CDKL5: variants seen among roughly 807,000 people sequenced by gnomAD.
The protein encoded by CDKL5 is cyclin dependent kinase like 5.
CDKL5 carries 8 observed loss-of-function variants against 61.7 expected under a neutral mutation model. The ratio of observed to expected loss-of-function variants is 0.13; its 90% CI spans 0.08 to 0.23. CDKL5 has a LOEUF of 0.23. CDKL5 is among the 10% of genes least tolerant of loss of function. The probability of loss-of-function intolerance (pLI) is 1.00; values close to 1 mark genes in which losing one functional copy is unlikely to be tolerated. For synonymous variants in CDKL5, 275 were observed against 272.3 expected (o/e 1.01, Z -0.10); for missense variants, 440 against 734.5 (o/e 0.60, Z 4.63).
chrX:18,451,115 G>A (rs2147635248), intron 1 of CDKL5, among the ~76,000 whole-genome samples: 1 of 111,800 alleles, frequency 8.9e-6, no homozygotes, highest in Admixed American at 9.6e-5. Context: ...TAGGTATAGA[G>A]TAAATACTTG....
chrX:18,550,987 T>C (rs920437179), intron 3 of CDKL5, among the ~76,000 whole-genome samples: 3 of 112,028 alleles, frequency 2.7e-5, no homozygotes, highest in Admixed American at 9.4e-5. Flanking sequence ...TAAATAAAAA[T>C]GAGATGCATC....
chrX:18,459,982 C>G (rs942081513), intron 1 of CDKL5, among the ~76,000 whole-genome samples: 1 of 110,121 alleles, frequency 9.1e-6, no homozygotes, highest in African/African-American at 3.3e-5. Flanking sequence ...AAGCGATTCT[C>G]CCACCCCAGC....
chrX:18,548,858 C>T (rs1486839991), intron 3 of CDKL5, among the ~76,000 whole-genome samples: 1 of 112,122 alleles, frequency 8.9e-6, no homozygotes, highest in African/African-American at 3.2e-5. Flanking sequence ...CGTGCCTGTT[C>T]TAAAGCAGCC....
chrX:18,524,250 A>G (rs749065477), intron 3 of CDKL5, among the ~76,000 whole-genome samples: 2 of 111,772 alleles, frequency 1.8e-5, no homozygotes, highest in South Asian at 3.7e-4. Flanking sequence ...CAGGTTGAGG[A>G]AGTTGTCCTC....
chrX:18,480,581 G>T (rs2147072390), intron 1 of CDKL5, among the ~76,000 whole-genome samples: 1 of 111,360 alleles, frequency 9.0e-6, no homozygotes. Context: ...TGAAGATGGG[G>T]TATTTACATA....
chrX:18,606,049 C>T (rs961724821), intron 12 of CDKL5, among the ~76,000 whole-genome samples: 10 of 111,277 alleles, frequency 9.0e-5, no homozygotes, highest in African/African-American at 2.6e-4. Context: ...GGCGTGGTGG[C>T]GTGTGCCTGT....
At chrX:18,603,538 A>G (rs1569219085) in intron 11 of CDKL5, among the ~76,000 whole-genome samples, 1 of 112,456 alleles carries the variant, frequency 8.9e-6, no homozygotes, top group East Asian at 2.8e-4. Context: ...AAAGAGTTAT[A>G]AAGAGTTTAT....
At chrX:18,470,355 G>GAAAAAAAAAAAAAAGAAGAAAAA (rs1921044538) in intron 1 of CDKL5, among the ~76,000 whole-genome samples, 1 of 7,310 alleles carries the variant, frequency 1.4e-4, no homozygotes, top group Non-Finnish European at 2.8e-4. Flanking sequence ...AAGAAGAAAA[G>GAAAAAAAAAAAAAAGAAGAAAAA]AAAAAAAAAA....
At chrX:18,627,294 T>C (rs1927091400) in intron 17 of CDKL5, 1 of 111,611 alleles carries the variant, frequency 9.0e-6, no homozygotes, top group East Asian at 2.8e-4. Context: ...GTTCCTTGAG[T>C]TCGTCAACAT....
chrX:18,469,212 A>G (rs1920997126), intron 1 of CDKL5, among the ~76,000 whole-genome samples: 1 of 105,982 alleles, frequency 9.4e-6, no homozygotes, highest in Non-Finnish European at 1.9e-5. Context: ...GGTGGCACAC[A>G]CCTGTAGTCC....
chrX:18,518,411 T>A lies in CDKL5; in HGVS notation c.99+7557T>A, dbSNP rs1000471057. Among the ~76,000 whole-genome samples, 33 of 70,400 alleles carry A rather than the reference T, an allele frequency of 4.7e-4. 2 individuals are homozygous for A. Among genetic ancestry groups the A allele is most frequent in the East Asian group, 1.8e-3 (4 of 2,208 alleles). The allele number at this position is 70,400 out of a possible 115,157, so 61.1% of individuals were successfully genotyped here. A position where few individuals can be genotyped will look rare whatever the true frequency, so the allele number is the denominator to read the frequency against. Reference sequence around the variant, plus strand: ...TTATTTTTTTTTTTTTTTTTTTTTTTTTTTTTTTTTTTGTGACAGAGTCTC... The same window carrying A: ...TTATTTTTTTTTTTTTTTTTTTTTTATTTTTTTTTTTTGTGACAGAGTCTC... On this transcript the variant is annotated intron_variant, in intron 3 of 17. Coordinates refer to ENST00000623535, the MANE Select transcript of CDKL5 (RefSeq NM_001323289.2).
At chrX:18,465,527 G>C (rs949466650) in intron 1 of CDKL5, among the ~76,000 whole-genome samples, 5 of 110,922 alleles carry the variant, frequency 4.5e-5, no homozygotes, top group African/African-American at 1.6e-4. Context: ...AAATTAGCTG[G>C]ATATGGTGGC....
Position 18,632,740 on chromosome X carries a change from T to G in CDKL5, c.*3983T>G. Reference sequence around the variant, plus strand: ...TATAAAGTATGTTGTGGTTGTAGAGTTAGCCAGTTTAGCATGTTCCTAATC... The same window carrying G: ...TATAAAGTATGTTGTGGTTGTAGAGGTAGCCAGTTTAGCATGTTCCTAATC... On this transcript the variant is annotated 3_prime_UTR_variant, in exon 18 of 18. Transcript: ENST00000623535. The G allele has an allele frequency of 1.3e-6, 1 of 754,176 alleles. No homozygotes were observed. Among genetic ancestry groups the G allele is most frequent in the Non-Finnish European group, 1.6e-6 (1 of 639,181 alleles). The allele number at this position is 754,176 out of a possible 1,213,427, so 62.2% of individuals were successfully genotyped here. A position where few individuals can be genotyped will look rare whatever the true frequency, so the allele number is the denominator to read the frequency against.
chrX:18,612,465 C>T (rs1427343958), intron 14 of CDKL5, among the ~76,000 whole-genome samples: 1 of 109,863 alleles, frequency 9.1e-6, no homozygotes, highest in Admixed American at 9.8e-5. Flanking sequence ...CTCGAGAGTT[C>T]GAGACCAGCC....
At chrX:18,601,106 C>T (rs1213838105) in intron 11 of CDKL5, among the ~76,000 whole-genome samples, 2 of 111,821 alleles carry the variant, frequency 1.8e-5, no homozygotes, top group Middle Eastern at 4.2e-3. Context: ...CGTACAAACT[C>T]CCCTGCCTTG....
In CDKL5 at chrX:18,628,625, C is replaced by T. The variant is rs1684219054; in HGVS notation, c.2751C>T (p.Thr917=). 3.3e-6 allele frequency: 4 copies of T among 1,211,304 alleles called. No individual in the cohort carries two copies. Among genetic ancestry groups the T allele is most frequent in the African/African-American group, 1.7e-5 (1 of 57,929 alleles). The change falls in exon 18 of 18, where the codon ACC becomes ACT. Residue 917 remains threonine (T), a synonymous_variant. Transcript: ENST00000623535. ...MDPGWHVSSV[T]RSATEGPSYS... Reference sequence around the variant, plus strand: ...CTGGTTGGCATGTGTCCTCTGTGACCAGGAGTGCCACAGAGGGCCCTTCCT... The same window carrying T: ...CTGGTTGGCATGTGTCCTCTGTGACTAGGAGTGCCACAGAGGGCCCTTCCT...
intron 15 of CDKL5, among the ~76,000 whole-genome samples, chrX:18,617,049 TTTC>T (rs780582163): frequency 3.6e-5 from 4 of 112,135 alleles, no homozygotes; most frequent in African/African-American, 1.3e-4. Flanking sequence ...TTTTTCTCTG[TTTC>T]TTCAACACCT....
chrX:18,496,266 G>A (rs1922167447), intron 1 of CDKL5, among the ~76,000 whole-genome samples: 1 of 112,116 alleles, frequency 8.9e-6, no homozygotes, highest in Non-Finnish European at 1.9e-5. Flanking sequence ...AGTACTTGGA[G>A]GATGATGTAC....
intron 1 of CDKL5, among the ~76,000 whole-genome samples, chrX:18,473,453 G>A (rs1380820515): frequency 9.1e-6 from 1 of 110,071 alleles, no homozygotes; most frequent in Non-Finnish European, 1.9e-5. Context: ...ACATTTTCCA[G>A]TCTCCGTTAA....
Sources: allele counts gnomAD v4.1 joint callset (sites outside exome capture counted in the v4.1 genomes callset), GRCh38; gene constraint gnomAD v4.1.1; transcripts MANE v1.5; gene names NCBI Gene and HGNC (gene_info 2026-07-23, HGNC 2026-07-21).